MEI4: variants seen among roughly 807,000 people sequenced by gnomAD.
The protein encoded by MEI4 is meiosis-specific protein MEI4.
In MEI4, 27 loss-of-function variants were observed where a neutral mutation model predicts 31.4. The ratio of observed to expected loss-of-function variants is 0.86; its 90% CI spans 0.63 to 1.19. The LOEUF (loss-of-function observed/expected upper bound fraction) is 1.19, where lower values mean the gene tolerates loss of function less well. Ranked by LOEUF, MEI4 falls within the 50% of genes most tolerant of loss-of-function variation. The pLI is 0.00. For missense variants in MEI4, 329 were observed against 398.9 expected (o/e 0.82, Z 1.49); for synonymous variants, 122 against 145.4 (o/e 0.84, Z 1.16).
At chr6:77,850,533 G>C (rs773277992) in intron 4 of MEI4, among the ~76,000 whole-genome samples, 10 of 152,120 alleles carry the variant, frequency 6.6e-5, no homozygotes, top group Non-Finnish European at 1.3e-4. Flanking sequence ...CAAGAAATGG[G>C]GGAATGATTC....
intron 3 of MEI4, among the ~76,000 whole-genome samples, chr6:77,798,034 AAGAT>A (rs1453290215): frequency 6.6e-6 from 1 of 152,162 alleles, no homozygotes; most frequent in African/African-American, 2.4e-5. Flanking sequence ...ATAATAGTAA[AAGAT>A]AGGAAATAAA....
intron 2 of MEI4, among the ~76,000 whole-genome samples, chr6:77,750,142 A>G (rs113516982): frequency 5.9e-5 from 9 of 152,342 alleles, no homozygotes; most frequent in African/African-American, 1.7e-4. Flanking sequence ...GAAAGGAACA[A>G]CCGGTACCAG....
intron 3 of MEI4, among the ~76,000 whole-genome samples, chr6:77,793,744 C>G (rs1408985160): frequency 6.6e-6 from 1 of 151,950 alleles, no homozygotes; most frequent in Non-Finnish European, 1.5e-5. Flanking sequence ...AAATAAGGTG[C>G]TTTATGCAAG....
chr6:77,816,097 A>G (rs749841533), intron 3 of MEI4, among the ~76,000 whole-genome samples: 24 of 152,086 alleles, frequency 1.6e-4, no homozygotes, highest in African/African-American at 4.6e-4. Context: ...GGAAATCTCT[A>G]TCCTTATGAG....
Position 77,820,423 on chromosome 6 carries a change from C to G in MEI4, c.769-8508C>G, listed in dbSNP as rs1481150664. On this transcript the variant is annotated intron_variant, in intron 3 of 4. Coordinates refer to ENST00000684080, the MANE Select transcript of MEI4 (RefSeq NM_001322247.2). The surrounding 1 kb of genome is among the most constrained non-coding windows in gnomAD (Gnocchi z 4.5). Reference sequence around the variant, plus strand: ...ACTACAGGCACACGCCACCATGCCCCCCTGGCTAATTTTGTGTATTTTAGT... The same window carrying G: ...ACTACAGGCACACGCCACCATGCCCGCCTGGCTAATTTTGTGTATTTTAGT... Among the ~76,000 whole-genome samples, 1 of 150,588 alleles carries G rather than the reference C, an allele frequency of 6.6e-6. No individual in the cohort carries two copies. The highest frequency in any genetic ancestry group is 1.5e-5 in the Non-Finnish European group (1 of 66,972).
intron 4 of MEI4, among the ~76,000 whole-genome samples, chr6:77,876,400 C>T (rs1771338829): frequency 6.6e-6 from 1 of 152,108 alleles, no homozygotes; most frequent in Non-Finnish European, 1.5e-5. Context: ...CCATTTTCTC[C>T]TTGTGTCCTG....
intron 3 of MEI4, among the ~76,000 whole-genome samples, chr6:77,807,670 T>C (rs1769472815): frequency 6.6e-6 from 1 of 152,162 alleles, no homozygotes; most frequent in Non-Finnish European, 1.5e-5. Flanking sequence ...AAAAGGTAGC[T>C]TGAACAGTGC....
At chr6:77,734,263 A>C (rs1158641242) in intron 2 of MEI4, among the ~76,000 whole-genome samples, 1 of 151,850 alleles carries the variant, frequency 6.6e-6, no homozygotes, top group Non-Finnish European at 1.5e-5. Context: ...TGGGAGTCTA[A>C]GTCTCTTTGT....
At chr6:77,742,402 G>A (rs1767434975) in intron 2 of MEI4, among the ~76,000 whole-genome samples, 1 of 151,866 alleles carries the variant, frequency 6.6e-6, no homozygotes, top group Non-Finnish European at 1.5e-5. Flanking sequence ...TGTGTTTTTT[G>A]GCTGCATAAA....
At chr6:77,749,159 G>A (rs1335260563) in intron 2 of MEI4, among the ~76,000 whole-genome samples, 1 of 152,114 alleles carries the variant, frequency 6.6e-6, no homozygotes, top group African/African-American at 2.4e-5. Context: ...CATAAAGATG[G>A]GGAGAAACCA....
At position 77,864,322 on chromosome 6, in the gene MEI4, T is replaced by C. The variant is rs568246801; in HGVS notation, c.900+35260T>C. 4.8e-3 allele frequency among the ~76,000 whole-genome samples: 734 copies of C among 152,248 alleles called. 6 individuals are homozygous for C. Among genetic ancestry groups the C allele is most frequent in the African/African-American group, 0.017 (716 of 41,536 alleles). On this transcript the variant is annotated intron_variant, in intron 4 of 4. Coordinates refer to ENST00000684080, the MANE Select transcript of MEI4 (RefSeq NM_001322247.2). ...AGAGTCAAGACCCATCAGTGTGCTG[T>C]ATTCAGGAAACCCATCTCACATACA...
intron 4 of MEI4, among the ~76,000 whole-genome samples, chr6:77,849,283 G>T (rs539296827): frequency 6.6e-6 from 1 of 152,224 alleles, no homozygotes; most frequent in South Asian, 2.1e-4. Flanking sequence ...GATAAAAGAA[G>T]TTTGTGTGGT....
chr6:77,664,391 A>G (rs965334132), intron 1 of MEI4, among the ~76,000 whole-genome samples: 4 of 152,180 alleles, frequency 2.6e-5, no homozygotes, highest in Non-Finnish European at 5.9e-5. Flanking sequence ...CCTAAACGCT[A>G]TCTGATTTGG....
chr6:77,669,744 C>A (rs112463742), intron 1 of MEI4, among the ~76,000 whole-genome samples: 1,540 of 152,284 alleles, frequency 0.01, 27 homozygotes, highest in African/African-American at 0.036. Context: ...TGTGTTAAAT[C>A]CTTTACCTGA....
At chr6:77,878,413 G>A (rs1437150941) in intron 4 of MEI4, among the ~76,000 whole-genome samples, 1 of 151,998 alleles carries the variant, frequency 6.6e-6, no homozygotes, top group Non-Finnish European at 1.5e-5. Context: ...TAACAAACGA[G>A]TTTTTACGTC....
At chr6:77,852,585 G>T (rs199636410) in intron 4 of MEI4, among the ~76,000 whole-genome samples, 19 of 142,610 alleles carry the variant, frequency 1.3e-4, no homozygotes, top group African/African-American at 2.1e-4. Flanking sequence ...GTTGTTGTTT[G>T]TTTTTTTTTT....
chr6:77,744,565 A>G (rs1189212848), intron 2 of MEI4, among the ~76,000 whole-genome samples: 1 of 152,210 alleles, frequency 6.6e-6, no homozygotes, highest in Non-Finnish European at 1.5e-5. Flanking sequence ...ATCCAGGAGA[A>G]CTTCCCCAAT....
At chr6:77,843,940 C>CT (rs1770419615) in intron 4 of MEI4, among the ~76,000 whole-genome samples, 1 of 152,046 alleles carries the variant, frequency 6.6e-6, no homozygotes, top group Non-Finnish European at 1.5e-5. Flanking sequence ...AGCTCTGTTG[C>CT]TAATGAGTTT....
At chr6:77,800,387 G>T (rs1769217743) in intron 3 of MEI4, among the ~76,000 whole-genome samples, 1 of 152,138 alleles carries the variant, frequency 6.6e-6, no homozygotes, top group South Asian at 2.1e-4. Context: ...AGCTTAAGGA[G>T]ATTTTGGGCT....
Sources: gnomAD v4.1 joint callset for allele counts (sites outside exome capture counted in the v4.1 genomes callset) on GRCh38, gnomAD v4.1.1 for gene constraint, Gnocchi (gnomAD v3.1) non-coding constraint, MANE v1.5 for transcripts, NCBI Gene and HGNC (gene_info 2026-07-23, HGNC 2026-07-21) for gene names.